Variants in KCNU1 observed in about 807,000 individuals in gnomAD.
KCNU1 encodes the protein potassium calcium-activated channel subfamily U member 1.
Under a neutral mutation model 126.8 loss-of-function variants are expected in KCNU1, and 93 were observed. That is an observed-to-expected ratio of 0.73 (90% confidence interval 0.62 to 0.87). The LOEUF (loss-of-function observed/expected upper bound fraction) is 0.87. Among genes scored for constraint, KCNU1 ranks in the 40% least tolerant of loss-of-function variants. KCNU1 has a pLI of 0.00. For missense variants in KCNU1, 1,330 were observed against 1,367.1 expected (o/e 0.97, Z 0.43); for synonymous variants, 523 against 494.2 (o/e 1.06, Z -0.77).
chr8:36,896,240 T>A (rs1236153443), intron 19 of KCNU1, among the ~76,000 whole-genome samples: 2 of 152,020 alleles, frequency 1.3e-5, no homozygotes, highest in Admixed American at 1.3e-4. Flanking sequence ...ATGATATCGA[T>A]TTAGCCTCTT....
intron 10 of KCNU1, among the ~76,000 whole-genome samples, chr8:36,832,302 C>T (rs899625229): frequency 3.3e-5 from 5 of 152,234 alleles, no homozygotes; most frequent in African/African-American, 1.2e-4. Context: ...TGAAGAAAGT[C>T]ATTGGTAGCT....
chr8:36,894,142 A>G lies in KCNU1; in HGVS notation c.2010-11566A>G, dbSNP rs531373334. On this transcript the variant is annotated intron_variant, in intron 19 of 26. Coordinates refer to ENST00000399881, the MANE Select transcript of KCNU1 (RefSeq NM_001031836.3). ...AGGCTGCTTTCTAGATTAGAAGTCAAAATCCACTTCACTACCTGTTTTTAT... is the reference window on the plus strand; with the variant it reads ...AGGCTGCTTTCTAGATTAGAAGTCAGAATCCACTTCACTACCTGTTTTTAT... 7.9e-5 allele frequency among the ~76,000 whole-genome samples: 12 copies of G among 152,278 alleles called. No homozygotes were observed. The South Asian group carries it at 2.5e-3, about 32-fold the overall frequency.
chr8:36,889,212 C>T (rs746700189), intron 19 of KCNU1: 1 of 534,346 alleles, frequency 1.9e-6, no homozygotes, highest in Non-Finnish European at 3.8e-6. Context: ...AAACCTAAAT[C>T]CACCTGGCAT....
At chr8:36,889,106 T>C in intron 19 of KCNU1, 1 of 531,590 alleles carries the variant, frequency 1.9e-6, no homozygotes, top group Non-Finnish European at 3.8e-6. Context: ...CTCGAACTCC[T>C]GACCTCAAGT....
intron 10 of KCNU1, among the ~76,000 whole-genome samples, chr8:36,823,704 T>C (rs1426069417): frequency 6.6e-6 from 1 of 151,960 alleles, no homozygotes; most frequent in East Asian, 1.9e-4. Flanking sequence ...TATGTAATAA[T>C]ACAATAGGAA....
intron 23 of KCNU1, 106 bp from the exon 24 acceptor site, chr8:36,922,384 C>CATCAGATCTTTTG: frequency 8.4e-7 from 1 of 1,194,392 alleles, no homozygotes. Flanking sequence ...CCAAAGTAGA[C>CATCAGATCTTTTG]ATCAGATCTT....
In KCNU1 at chr8:36,833,608, A is replaced by C; in HGVS notation, c.1161A>C (p.Thr387=). ...ETIFKCYLAY[T]TFISGSAMKW... is the part of the protein sequence containing the mutation. Reference sequence around the variant, plus strand: ...TATTTAAATGCTACTTGGCCTACACAACGTTCATTTCTGGATCTGCAATGA... The same window carrying C: ...TATTTAAATGCTACTTGGCCTACACCACGTTCATTTCTGGATCTGCAATGA... Residue 387 remains threonine, a synonymous_variant, in exon 11 of 27, where the codon ACA becomes ACC. Transcript: ENST00000399881. 2 of 1,612,652 alleles carry C rather than the reference A, an allele frequency of 1.2e-6. No individual in the cohort carries two copies. The highest frequency in any genetic ancestry group is 1.7e-6 in the Non-Finnish European group (2 of 1,178,970).
At chr8:36,882,114 C>T (rs2117402009) in intron 19 of KCNU1, among the ~76,000 whole-genome samples, 1 of 152,300 alleles carries the variant, frequency 6.6e-6, no homozygotes, top group South Asian at 2.1e-4. Flanking sequence ...TCTTGACTCC[C>T]TTGTCTCAAT....
chr8:36,935,428 C>G, intron 26 of KCNU1, 87 bp from the exon 27 acceptor site: 2 of 1,078,182 alleles, frequency 1.9e-6, no homozygotes, highest in Non-Finnish European at 1.4e-6. Flanking sequence ...TTGGGCCCAG[C>G]AAAATGACCT....
chr8:36,896,751 A>G (rs1807207102), intron 19 of KCNU1, among the ~76,000 whole-genome samples: 1 of 152,086 alleles, frequency 6.6e-6, no homozygotes, highest in Admixed American at 6.6e-5. Context: ...GAGCTTAGAC[A>G]TGATTGGGAA....
At chr8:36,858,629 C>A (rs1805619255) in intron 18 of KCNU1, among the ~76,000 whole-genome samples, 1 of 151,992 alleles carries the variant, frequency 6.6e-6, no homozygotes, top group African/African-American at 2.4e-5. Flanking sequence ...ATTCTGCAAA[C>A]AAAAATGTTT....
Position 36,933,039 on chromosome 8 carries a change from G to T in KCNU1, c.3044+7G>T. On this transcript the variant is annotated splice_region_variant and intron_variant, in intron 26 of 26. Transcript: ENST00000399881. ...TCAACCCAGAAAACAAAAGGGGAGT[G>T]TGCTAGATTGGAAAGCACCATCCAC... 2 of 1,490,720 alleles carry T rather than the reference G, an allele frequency of 1.3e-6. No individual in the cohort carries two copies. The highest frequency in any genetic ancestry group is 1.8e-6 in the Non-Finnish European group (2 of 1,090,358). 92.3% of individuals were successfully genotyped at this position (1,490,720 alleles called of 1,614,324 possible). A position where few individuals can be genotyped will look rare whatever the true frequency, so the allele number is the denominator to read the frequency against.
chr8:36,880,021 G>C (rs1297269678), intron 19 of KCNU1, among the ~76,000 whole-genome samples: 1 of 152,204 alleles, frequency 6.6e-6, no homozygotes, highest in African/African-American at 2.4e-5. Context: ...GAATGTATGA[G>C]AGTGAATATA....
At chr8:36,916,202 G>A (rs1808098333) in intron 22 of KCNU1, among the ~76,000 whole-genome samples, 1 of 146,608 alleles carries the variant, frequency 6.8e-6, no homozygotes, top group African/African-American at 2.5e-5. Context: ...AGGAAGGAAA[G>A]GGGAGAGGGA....
At chr8:36,914,312 A>T (rs1808011768) in intron 22 of KCNU1, among the ~76,000 whole-genome samples, 2 of 152,318 alleles carry the variant, frequency 1.3e-5, no homozygotes, top group Middle Eastern at 3.4e-3. Flanking sequence ...TGATGGCTGG[A>T]GGCAGTTTTG....
intron 19 of KCNU1, among the ~76,000 whole-genome samples, chr8:36,882,043 C>T (rs936317514): frequency 6.6e-6 from 1 of 152,146 alleles, no homozygotes; most frequent in Non-Finnish European, 1.5e-5. Context: ...TTACTAGGAG[C>T]GATTTGCAGA....
intron 13 of KCNU1, 104 bp downstream of exon 13, chr8:36,836,469 C>A: frequency 3.8e-6 from 3 of 784,464 alleles, no homozygotes; most frequent in South Asian, 1.8e-5. Context: ...TTTTGCTAAT[C>A]ATAGGTAAAA....
intron 18 of KCNU1, among the ~76,000 whole-genome samples, chr8:36,858,049 T>C (rs1805593239): frequency 6.6e-6 from 1 of 152,122 alleles, no homozygotes. Context: ...GCTGTTTCAC[T>C]GAGGAGCCAG....
At chr8:36,785,751 G>C (rs1283854534) in intron 1 of KCNU1, among the ~76,000 whole-genome samples, 1 of 152,026 alleles carries the variant, frequency 6.6e-6, no homozygotes, top group Non-Finnish European at 1.5e-5. Context: ...GAATTTGTAG[G>C]ATTTTTAAAT....
Sources: gnomAD v4.1 joint callset for allele counts (sites outside exome capture counted in the v4.1 genomes callset) on GRCh38, gnomAD v4.1.1 for gene constraint, MANE v1.5 for transcripts, NCBI Gene and HGNC (gene_info 2026-07-23, HGNC 2026-07-21) for gene names.